CNTN4: variants seen among roughly 807,000 people sequenced by gnomAD.
CNTN4 encodes contactin 4.
CNTN4 carries 77 observed loss-of-function variants against 122.5 expected under a neutral mutation model. The observed-to-expected ratio is 0.63, with a 90% confidence interval of 0.52 to 0.76. The LOEUF is 0.76. Among genes scored for constraint, CNTN4 ranks in the 30% least tolerant of loss-of-function variants. The pLI, the probability that CNTN4 is intolerant of heterozygous loss-of-function variation, is 0.00. For synonymous variants in CNTN4, 512 were observed against 447.0 expected (o/e 1.15, Z -1.83); for missense variants, 1,256 against 1,259.1 (o/e 1.00, Z 0.04).
At chr3:2,798,379 A>ATCTATCTATCTATCTATCTC (rs1363076423) in intron 6 of CNTN4, among the ~76,000 whole-genome samples, 1 of 150,490 alleles carries the variant, frequency 6.6e-6, no homozygotes, top group African/African-American at 2.4e-5. Context: ...CTATCTATCT[A>ATCTATCTATCTATCTATCTC]TCTATCTATC....
intron 2 of CNTN4, among the ~76,000 whole-genome samples, chr3:2,231,114 C>T (rs909317214): frequency 1.3e-5 from 2 of 152,108 alleles, no homozygotes; most frequent in Non-Finnish European, 2.9e-5. Context: ...TTTTAGTTAA[C>T]ACAATATGTC....
At chr3:2,596,723 T>C (rs757285134) in intron 4 of CNTN4, among the ~76,000 whole-genome samples, 4 of 152,220 alleles carry the variant, frequency 2.6e-5, no homozygotes, top group African/African-American at 4.8e-5. Context: ...GATTTGAATC[T>C]AGGCGATTTG....
In CNTN4 at chr3:2,340,685, T is replaced by TTATA. The variant is rs373402290; in HGVS notation, c.-89+1475_-89+1478dup. Among the ~76,000 whole-genome samples, 53 of 29,622 alleles carry TTATA rather than the reference T, an allele frequency of 1.8e-3. 1 individual carries two copies. Among genetic ancestry groups the TTATA allele is most frequent in the South Asian group, 2.6e-3 (1 of 380 alleles). 19.4% of individuals were successfully genotyped at this position (29,622 alleles called of 152,430 possible). A position where few individuals can be genotyped will look rare whatever the true frequency, so the allele number is the denominator to read the frequency against. The stretch of plus-strand genomic sequence containing the variant: ...ACAGAGCAAGACCTTGTCATAAATT[T>TTATA]TATATATATATATATATATATATAT... On this transcript the variant is annotated intron_variant, in intron 3 of 24. Transcript: ENST00000418658.
chr3:2,109,782 T>C (rs1221683396), intron 2 of CNTN4, among the ~76,000 whole-genome samples: 1 of 152,234 alleles, frequency 6.6e-6, no homozygotes, highest in Non-Finnish European at 1.5e-5. Flanking sequence ...TTGTCTTTAG[T>C]CACTCATTTG....
chr3:2,754,534 A>G (rs1418221942), intron 6 of CNTN4, among the ~76,000 whole-genome samples: 1 of 152,188 alleles, frequency 6.6e-6, no homozygotes, highest in Non-Finnish European at 1.5e-5. Flanking sequence ...TAACTAGACT[A>G]ATACACCATT....
chr3:2,951,229 T>C (rs1458994775), intron 13 of CNTN4, among the ~76,000 whole-genome samples: 1 of 152,158 alleles, frequency 6.6e-6, no homozygotes, highest in Non-Finnish European at 1.5e-5. Context: ...ACTGGTTTCG[T>C]GGAAGACAAT....
At chr3:2,354,906 C>T (rs947017091) in intron 3 of CNTN4, among the ~76,000 whole-genome samples, 1 of 152,144 alleles carries the variant, frequency 6.6e-6, no homozygotes, top group Non-Finnish European at 1.5e-5. Flanking sequence ...GGCTCCAAGA[C>T]AGAAATAGGA....
chr3:2,766,775 T>C (rs2090880964), intron 6 of CNTN4, among the ~76,000 whole-genome samples: 1 of 152,104 alleles, frequency 6.6e-6, no homozygotes, highest in Non-Finnish European at 1.5e-5. Context: ...GGAGATGCAA[T>C]AGTAGCAGAG....
intron 3 of CNTN4, among the ~76,000 whole-genome samples, chr3:2,437,198 A>T (rs1256471030): frequency 6.6e-6 from 1 of 152,178 alleles, no homozygotes; most frequent in East Asian, 1.9e-4. Context: ...CCTCAGTCTC[A>T]ATTCTAGCGA....
At chr3:2,924,457 A>T (rs145983658) in intron 12 of CNTN4, among the ~76,000 whole-genome samples, 50 of 152,344 alleles carry the variant, frequency 3.3e-4, no homozygotes, top group African/African-American at 1.2e-3. Flanking sequence ...TTAAAATATG[A>T]TAAAATTAAG....
intron 2 of CNTN4, among the ~76,000 whole-genome samples, chr3:2,269,910 GTTTGTTTATTTA>G (rs374022079): frequency 0.034 from 892 of 26,612 alleles, 126 homozygotes; most frequent in African/African-American, 0.062. Context: ...TTGTTTGTTT[GTTTGTTTATTTA>G]TTTATTTATT....
At position 2,954,074 on chromosome 3, in the gene CNTN4, T is replaced by C. The variant is rs557406540; in HGVS notation, c.1358+28295T>C. Among the ~76,000 whole-genome samples, 7 of 152,354 alleles carry C rather than the reference T, an allele frequency of 4.6e-5. No individual in the cohort carries two copies. In the East Asian group the frequency reaches 1.3e-3, roughly 29 times the overall value. ...ATCAACTTTTCTAAAATATGCATAATCGTTTCCAAAATGGAGATTTATTTA... is the reference window on the plus strand; with the variant it reads ...ATCAACTTTTCTAAAATATGCATAACCGTTTCCAAAATGGAGATTTATTTA... On this transcript the variant is annotated intron_variant, in intron 13 of 24. Transcript: ENST00000418658.
intron 3 of CNTN4, among the ~76,000 whole-genome samples, chr3:2,444,328 T>A (rs573569414): frequency 6.6e-6 from 1 of 152,116 alleles, no homozygotes; most frequent in South Asian, 2.1e-4. Flanking sequence ...GAAGAGGCAG[T>A]GGCGACATTA....
rs1181827649 is a variant in CNTN4 at position 2,900,750 on chromosome 3, G to A, written c.1006G>A (p.Glu336Lys). 8.7e-6 allele frequency: 14 copies of A among 1,613,918 alleles called. No homozygotes were observed. The highest frequency in any genetic ancestry group is 1.2e-5 in the Non-Finnish European group (14 of 1,179,830). Residue 336 changes from glutamate to lysine, a missense_variant, in exon 11 of 25, where the codon GAA becomes AAA. Glu to Lys is a moderately conservative substitution (Grantham distance 56, BLOSUM62 1). Transcript: ENST00000418658. ...GGCCATGGAAGAAAATGTCTTTTGG[G>A]AATGTAAAGCAAATGGAAGGCCTAA... ...HVAMEENVFW[E>K]CKANGRPKPT...
intron 3 of CNTN4, among the ~76,000 whole-genome samples, chr3:2,553,086 G>C (rs1229538311): frequency 1.3e-5 from 2 of 152,146 alleles, no homozygotes; most frequent in African/African-American, 2.4e-5. Context: ...TTTTCTTCCA[G>C]GTTTGGGGTA....
chr3:2,200,181 T>C (rs2038033162), intron 2 of CNTN4, among the ~76,000 whole-genome samples: 1 of 152,102 alleles, frequency 6.6e-6, no homozygotes, highest in African/African-American at 2.4e-5. Context: ...AGATGATTCA[T>C]TGTTCTATGT....
intron 4 of CNTN4, among the ~76,000 whole-genome samples, chr3:2,669,172 G>GCTC (rs1242359054): frequency 1.7e-4 from 26 of 152,310 alleles, no homozygotes; most frequent in Admixed American, 1.3e-3. Flanking sequence ...AATGGTACCA[G>GCTC]CTCCTCCTTG....
chr3:2,358,378 C>A (rs758614479), intron 3 of CNTN4, among the ~76,000 whole-genome samples: 3 of 151,960 alleles, frequency 2.0e-5, no homozygotes, highest in Non-Finnish European at 2.9e-5. Flanking sequence ...GCATAGGAAG[C>A]ACTCAGCAAA....
rs1042739525 is a variant in CNTN4, at chr3:2,926,381, C to G, written c.1358+602C>G. 8.4e-4 allele frequency among the ~76,000 whole-genome samples: 128 copies of G among 152,268 alleles called. 2 individuals carry two copies. The highest frequency in any genetic ancestry group is 3.4e-3 in the Middle Eastern group (1 of 294). On this transcript the variant is annotated intron_variant, in intron 13 of 24. Coordinates refer to ENST00000418658, the MANE Select transcript of CNTN4 (RefSeq NM_175607.3). ...TTATACATGAATTACATTTAGAATG[C>G]ATGTAGTGTATACAATGCAAATATA... is the stretch of plus-strand genomic sequence containing the variant.
Sources: gnomAD v4.1 joint callset for allele counts (sites outside exome capture counted in the v4.1 genomes callset) on GRCh38, gnomAD v4.1.1 for gene constraint, MANE v1.5 for transcripts, NCBI Gene and HGNC (gene_info 2026-07-23, HGNC 2026-07-21) for gene names.